The following COL5A1 variants were observed in gnomAD, a reference collection of about 807,000 sequenced individuals.
COL5A1 encodes the protein collagen type V alpha 1 chain, also known as collagen alpha-1(V) chain.
A neutral mutation model predicts 263.7 loss-of-function variants in COL5A1; 16 were observed. The observed-to-expected ratio is 0.06, with a 90% CI of 0.04 to 0.09. The LOEUF (loss-of-function observed/expected upper bound fraction) is 0.09. COL5A1 is among the 10% of genes least tolerant of loss of function. The pLI is 1.00. For synonymous variants in COL5A1, 1,012 were observed against 1,004.5 expected, an observed-to-expected ratio of 1.01 and a Z score of -0.14; for missense variants, 2,036 against 2,540.5, an observed-to-expected ratio of 0.80 and a Z score of 4.27.
rs780650417 is a variant in COL5A1 at position 134,830,165 on chromosome 9, C to T, written c.5136+121C>T. On this transcript the variant is annotated intron_variant, in intron 64 of 65. Transcript: ENST00000371817. Reference sequence around the variant, plus strand: ...TTCCACCTGGTATAGTCAGTACAAGCGGGGGTCCCTGGTAAGTGGCCACCT... The same window carrying T: ...TTCCACCTGGTATAGTCAGTACAAGTGGGGGTCCCTGGTAAGTGGCCACCT... The T allele has an allele frequency of 3.3e-5, 53 of 1,610,416 alleles. No individual in the cohort carries two copies. The highest frequency in any genetic ancestry group is 5.3e-5 in the African/African-American group (4 of 74,858).
chr9:134,705,760 C>T (rs565151558), intron 4 of COL5A1, among the ~76,000 whole-genome samples: 23 of 152,264 alleles, frequency 1.5e-4, no homozygotes, highest in Middle Eastern at 3.4e-3. Context: ...AGAGGTGGCC[C>T]ATCGTCCACA....
Position 134,680,662 on chromosome 9 carries a change from C to T in COL5A1, c.110-10250C>T, listed in dbSNP as rs1832826065. 6.6e-6 allele frequency among the ~76,000 whole-genome samples: 1 copy of T among 152,222 alleles called. No homozygotes were observed. The highest frequency in any genetic ancestry group is 2.4e-5 in the African/African-American group (1 of 41,460). On this transcript the variant is annotated intron_variant, in intron 1 of 65. Transcript: ENST00000371817. This position sits in a 1 kb window ranked among gnomAD's most constrained non-coding sequence, Gnocchi z 5.9. The stretch of plus-strand genomic sequence containing the variant: ...GGTGGCCATGCTGTGCACTGCACAA[C>T]CCCAGGGAGCGCTGTTCTAATGCAC...
At chr9:134,683,339 C>T (rs1163702854) in intron 1 of COL5A1, among the ~76,000 whole-genome samples, 2 of 152,148 alleles carry the variant, frequency 1.3e-5, no homozygotes, top group African/African-American at 2.4e-5. Flanking sequence ...GAGCCCGTCG[C>T]GGGCTGATCA....
chr9:134,816,316 A>C (rs1838742818), intron 52 of COL5A1, among the ~76,000 whole-genome samples: 1 of 152,206 alleles, frequency 6.6e-6, no homozygotes, highest in Non-Finnish European at 1.5e-5. Context: ...TAGCAGGGCC[A>C]GTGCCTCTCC....
intron 62 of COL5A1, among the ~76,000 whole-genome samples, chr9:134,825,540 GCCA>G (rs1839231012): frequency 6.6e-6 from 1 of 152,052 alleles, no homozygotes; most frequent in Non-Finnish European, 1.5e-5. Context: ...AACCCTCCTG[GCCA>G]CCAGAACACG....
At chr9:134,806,503 C>T (rs147066485) in intron 42 of COL5A1, among the ~76,000 whole-genome samples, 40 of 152,230 alleles carry the variant, frequency 2.6e-4, no homozygotes, top group South Asian at 1.4e-3. Context: ...GTCCTGGTGC[C>T]GGCCACATTC....
At chr9:134,771,189 G>A (rs931272033) in intron 25 of COL5A1, among the ~76,000 whole-genome samples, 1 of 152,258 alleles carries the variant, frequency 6.6e-6, no homozygotes, top group South Asian at 2.1e-4. Flanking sequence ...GGGTCTGCCC[G>A]GTCCAGAGCC....
At chr9:134,659,932 C>T (rs896439403) in intron 1 of COL5A1, among the ~76,000 whole-genome samples, 2 of 152,156 alleles carry the variant, frequency 1.3e-5, no homozygotes, top group Non-Finnish European at 2.9e-5. Flanking sequence ...TAGGTGCTGC[C>T]TGTTTAGTTT....
chr9:134,830,428 T>C, intron 64 of COL5A1: 1 of 573,674 alleles, frequency 1.7e-6, no homozygotes, highest in South Asian at 2.0e-5. Flanking sequence ...CAGAGCTGGG[T>C]GTGGGCCCCA....
At chr9:134,837,728 G>A (rs1839894767) in intron 65 of COL5A1, among the ~76,000 whole-genome samples, 1 of 151,888 alleles carries the variant, frequency 6.6e-6, no homozygotes, top group Non-Finnish European at 1.5e-5. Flanking sequence ...GTGGCCATTG[G>A]TTTGCAAGAC....
At chr9:134,723,771 C>T (rs895185557) in intron 4 of COL5A1, among the ~76,000 whole-genome samples, 18 of 152,224 alleles carry the variant, frequency 1.2e-4, no homozygotes, top group Non-Finnish European at 2.2e-4. Flanking sequence ...AAGGTGGGTC[C>T]GTCTGCCTCT....
intron 60 of COL5A1, 127 bp downstream of exon 60, chr9:134,823,160 A>C: frequency 8.3e-7 from 1 of 1,201,982 alleles, no homozygotes; most frequent in Non-Finnish European, 1.2e-6. Context: ...CGATCCTCCC[A>C]TCTTTCTACA....
chr9:134,768,314 T>A (rs1299292674), intron 24 of COL5A1, 96 bp from the exon 25 acceptor site: 6 of 1,105,720 alleles, frequency 5.4e-6, no homozygotes, highest in Non-Finnish European at 8.4e-6. Context: ...AAATGCTGTG[T>A]GGGCAGAAAT....
intron 39 of COL5A1, 56 bp from the exon 40 acceptor site, chr9:134,804,919 G>A: frequency 6.8e-7 from 1 of 1,473,622 alleles, no homozygotes; most frequent in Non-Finnish European, 9.5e-7. Context: ...CTCTGGGGCT[G>A]GTGAGAGGTC....
At chr9:134,750,710 T>G in intron 12 of COL5A1, 80 bp from the exon 13 acceptor site, 1 of 1,594,160 alleles carries the variant, frequency 6.3e-7, no homozygotes. Context: ...TGGAGAGGCC[T>G]GTGGGCCCCG....
rs536904336 is a variant in COL5A1, at chr9:134,747,403, C to A, written c.1495-3139C>A. Among the ~76,000 whole-genome samples the A allele has an allele frequency of 3.9e-5, 6 of 152,302 alleles. No individual in the cohort carries two copies. In the South Asian group the frequency reaches 1.2e-3, roughly 32 times the overall value. ...GACTTCCTGGCTTCCTACAGCAACA[C>A]CATGTGAGCAGGAGCATGCATGCAC... On this transcript the variant is annotated intron_variant, in intron 11 of 65. Transcript: ENST00000371817.
chr9:134,736,835 A>G (rs937438654), intron 9 of COL5A1, among the ~76,000 whole-genome samples: 1 of 152,206 alleles, frequency 6.6e-6, no homozygotes, highest in Admixed American at 6.5e-5. Context: ...TCCCATTCCA[A>G]AAGAGAAGCA....
intron 11 of COL5A1, among the ~76,000 whole-genome samples, chr9:134,746,570 A>G (rs1444626429): frequency 1.3e-5 from 2 of 152,182 alleles, no homozygotes; most frequent in Non-Finnish European, 2.9e-5. Context: ...TCTCTGTGCA[A>G]AGGACGTCTG....
chr9:134,712,997 C>T (rs1564405054), intron 4 of COL5A1, among the ~76,000 whole-genome samples: 1 of 152,218 alleles, frequency 6.6e-6, no homozygotes, highest in Non-Finnish European at 1.5e-5. Flanking sequence ...ACTCTCCAAA[C>T]CAGGCGTGAT....
Sources: allele counts gnomAD v4.1 joint callset (sites outside exome capture counted in the v4.1 genomes callset), GRCh38; gene constraint gnomAD v4.1.1; non-coding constraint Gnocchi (gnomAD v3.1); transcripts MANE v1.5; gene names NCBI Gene and HGNC (gene_info 2026-07-23, HGNC 2026-07-21).